Variants in RGS12 observed in about 807,000 individuals in gnomAD.
The protein encoded by RGS12 is regulator of G protein signaling 12.
A neutral mutation model predicts 120.1 loss-of-function variants in RGS12; 66 were observed. That is an observed-to-expected ratio of 0.55 (90% CI 0.45 to 0.67). RGS12 has a LOEUF of 0.67. Ranked by LOEUF, RGS12 falls within the 30% of genes least tolerant of loss-of-function variation. The pLI is 0.00. For synonymous variants in RGS12, 827 were observed against 804.7 expected, an observed-to-expected ratio of 1.03 and a Z score of -0.47; for missense variants, 1,859 against 1,957.7, an observed-to-expected ratio of 0.95 and a Z score of 0.95.
chr4:3,370,384 A>C (rs1716844684), intron 3 of RGS12: 2 of 1,518,616 alleles, frequency 1.3e-6, no homozygotes, highest in Non-Finnish European at 1.8e-6. Flanking sequence ...CACCCTGGCT[A>C]TCCTGTTTTA....
chr4:3,422,040 A>C lies in RGS12; in HGVS notation c.2839-336A>C, dbSNP rs535096523. ...GGGTGCTGGAACCCAGAGCCCTGGG[A>C]GGGAGTGGTCCTCACAGGGCAGCTT... On this transcript the variant is annotated intron_variant, in intron 10 of 17. Coordinates refer to ENST00000336727, the MANE Select transcript of RGS12 (RefSeq NM_001394154.1). Among the ~76,000 whole-genome samples the C allele has an allele frequency of 3.3e-5, 5 of 152,238 alleles. No homozygotes were observed. In the East Asian group the frequency reaches 9.7e-4, roughly 29 times the overall value.
At chr4:3,330,679 G>C (rs921411899) in intron 2 of RGS12, among the ~76,000 whole-genome samples, 12 of 152,264 alleles carry the variant, frequency 7.9e-5, no homozygotes, top group Admixed American at 7.8e-4. Context: ...AAAGTAATAC[G>C]AGTTTCTATG....
chr4:3,309,593 A>T (rs1293341549), intron 1 of RGS12, among the ~76,000 whole-genome samples: 1 of 58,210 alleles, frequency 1.7e-5, no homozygotes, highest in Non-Finnish European at 3.1e-5. Context: ...AACTGTGTTG[A>T]GGAGGAGCTG....
chr4:3,317,396 A>G lies in RGS12; in HGVS notation c.1226A>G (p.Asp409Gly). ...GMRARAFLDG[D>G]ADAHQNNSTS... The stretch of plus-strand genomic sequence containing the variant: ...CGGGCCCGCGCCTTTCTGGACGGGG[A>G]CGCCGATGCCCACCAGAACAACAGC... The change falls in exon 2 of 18, where the codon GAC (aspartate) becomes GGC (glycine). Residue 409 changes from aspartate to glycine, a missense_variant. Around this residue, in one of 3 missense-constraint regions of RGS12, gnomAD observed 967 missense variants for 994.2 expected, o/e 0.97. Transcript: ENST00000336727. The G allele has an allele frequency of 6.2e-7, 1 of 1,613,754 alleles. No individual in the cohort carries two copies. The highest frequency in any genetic ancestry group is 2.2e-5 in the East Asian group (1 of 44,866).
chr4:3,308,621 C>T (rs1472620975), intron 1 of RGS12, among the ~76,000 whole-genome samples: 2 of 152,250 alleles, frequency 1.3e-5, no homozygotes, highest in African/African-American at 4.8e-5. Context: ...CACGCACCTG[C>T]AGGCTCTGTG....
chr4:3,420,317 A>G, intron 9 of RGS12: 2 of 421,732 alleles, frequency 4.7e-6, no homozygotes, highest in Non-Finnish European at 8.7e-6. Context: ...TGTGCTGTGT[A>G]ACTGCACGTA....
At chr4:3,306,341 C>T (rs184604681) in intron 1 of RGS12, among the ~76,000 whole-genome samples, 4 of 152,248 alleles carry the variant, frequency 2.6e-5, no homozygotes, top group Admixed American at 6.5e-5. Context: ...GGTGCGATGA[C>T]GATGACATGA....
intron 4 of RGS12, among the ~76,000 whole-genome samples, chr4:3,388,765 G>C (rs977865923): frequency 3.3e-5 from 5 of 152,242 alleles, no homozygotes; most frequent in Non-Finnish European, 5.9e-5. Context: ...GGTCGGGGTG[G>C]GGGGGTGGTC....
At chr4:3,314,987 G>C (rs2110397973) in intron 1 of RGS12, 1 of 152,370 alleles carries the variant, frequency 6.6e-6, no homozygotes, top group African/African-American at 2.4e-5. Flanking sequence ...TGGGAGTCCA[G>C]AGTCTGGGCA....
chr4:3,414,165 G>T lies in RGS12; in HGVS notation c.2114G>T (p.Arg705Leu). 6.4e-7 allele frequency: 1 copy of T among 1,557,000 alleles called. No homozygotes were observed. Residue 705 changes from arginine (R) to leucine (L), a missense_variant, in exon 5 of 18, where the codon CGT becomes CTT. Physicochemically the swap from Arg to Leu is moderately radical, Grantham distance 102 (BLOSUM62 -2). Transcript: ENST00000336727. The part of the protein sequence containing the change: ...LPSVQSCRRL[R>L]ERRVASWAVS... Reference sequence around the variant, plus strand: ...AGCGTGCAGAGCTGCCGGCGCCTGCGTGAGAGGAGGGTCGCCAGCTGGGCC... The same window carrying T: ...AGCGTGCAGAGCTGCCGGCGCCTGCTTGAGAGGAGGGTCGCCAGCTGGGCC...
intron 3 of RGS12, among the ~76,000 whole-genome samples, chr4:3,364,846 G>A (rs1183699405): frequency 6.6e-6 from 1 of 152,082 alleles, no homozygotes; most frequent in Non-Finnish European, 1.5e-5. Flanking sequence ...CTGCCTGGGA[G>A]AGCCAGGGCC....
intron 4 of RGS12, among the ~76,000 whole-genome samples, chr4:3,402,860 A>G (rs2109042344): frequency 6.6e-6 from 1 of 152,380 alleles, no homozygotes; most frequent in South Asian, 2.1e-4. Context: ...TCAAGTAAGC[A>G]TAATAAATGA....
intron 4 of RGS12, among the ~76,000 whole-genome samples, chr4:3,388,802 C>T (rs1719140876): frequency 6.6e-6 from 1 of 152,220 alleles, no homozygotes; most frequent in Non-Finnish European, 1.5e-5. Flanking sequence ...TGTGTTTCCA[C>T]ACAGAGATCT....
intron 3 of RGS12, among the ~76,000 whole-genome samples, chr4:3,348,975 A>T (rs188333385): frequency 1.3e-5 from 2 of 152,362 alleles, no homozygotes; most frequent in East Asian, 1.9e-4. Flanking sequence ...GGGAAATTAG[A>T]TGGAGACTAA....
intron 3 of RGS12, among the ~76,000 whole-genome samples, chr4:3,354,990 A>G (rs1379686292): frequency 6.6e-6 from 1 of 152,234 alleles, no homozygotes; most frequent in East Asian, 1.9e-4. Flanking sequence ...AAATCTGACA[A>G]AGGACATAAG....
At chr4:3,410,586 G>A (rs1361822815) in intron 4 of RGS12, among the ~76,000 whole-genome samples, 1 of 152,224 alleles carries the variant, frequency 6.6e-6, no homozygotes, top group East Asian at 1.9e-4. Flanking sequence ...GGCAGCAGTA[G>A]CCGGCTCTGG....
At chr4:3,319,295 T>C (rs564434548) in intron 2 of RGS12, among the ~76,000 whole-genome samples, 1 of 152,148 alleles carries the variant, frequency 6.6e-6, no homozygotes, top group Non-Finnish European at 1.5e-5. Flanking sequence ...GGCTCTAAAA[T>C]AAAATAAAAT....
At position 3,389,645 on chromosome 4, in the gene RGS12, A is replaced by G. The variant is rs1019015792; in HGVS notation, c.2020+3208A>G. Among the ~76,000 whole-genome samples the G allele has an allele frequency of 1.6e-4, 25 of 152,048 alleles. No individual in the cohort carries two copies. Among genetic ancestry groups the G allele is most frequent in the African/African-American group, 5.8e-4 (24 of 41,390 alleles). On this transcript the variant is annotated intron_variant, in intron 4 of 17. Transcript: ENST00000336727. This position sits in a 1 kb window ranked among gnomAD's most constrained non-coding sequence, Gnocchi z 5.2. The stretch of plus-strand genomic sequence containing the variant: ...CACCCACTGCAGCCTCCACAGGTGG[A>G]TGTTCCCGCTGTGACCACCTCACCT...
At chr4:3,431,218 T>TA in intron 17 of RGS12, 1 of 1,339,826 alleles carries the variant, frequency 7.5e-7, no homozygotes, top group Non-Finnish European at 9.5e-7. Flanking sequence ...GCAGGAATGA[T>TA]ACGTGGCAGT....
Sources: allele counts gnomAD v4.1 joint callset (sites outside exome capture counted in the v4.1 genomes callset), GRCh38; gene constraint gnomAD v4.1.1; regional missense constraint gnomAD v4.1.1; non-coding constraint Gnocchi (gnomAD v3.1); transcripts MANE v1.5; gene names NCBI Gene and HGNC (gene_info 2026-07-23, HGNC 2026-07-21).